Variants in C2orf76 observed in about 807,000 individuals in gnomAD.
The protein encoded by C2orf76 is UPF0538 protein C2orf76.
A neutral mutation model predicts 16.9 loss-of-function variants in C2orf76; 23 were observed. That is an observed-to-expected ratio of 1.36 (90% confidence interval 0.98 to 1.93). C2orf76 has a LOEUF of 1.93. C2orf76 is among the 30% of genes most tolerant of loss of function. The pLI is 0.00. For synonymous variants in C2orf76, 48 were observed against 52.3 expected, an observed-to-expected ratio of 0.92 and a Z score of 0.35; for missense variants, 152 against 152.6, an observed-to-expected ratio of 1.00 and a Z score of 0.02.
intron 5 of C2orf76, among the ~76,000 whole-genome samples, chr2:119,309,382 CT>C (rs1218051696): frequency 9.5e-6 from 1 of 104,944 alleles, no homozygotes; most frequent in Admixed American, 9.1e-5. Context: ...AGTAACTTTT[CT>C]TTTTTTCTCT....
At chr2:119,311,841 G>T in intron 4 of C2orf76, 138 bp from the exon 5 acceptor site, 1 of 784,060 alleles carries the variant, frequency 1.3e-6, no homozygotes, top group South Asian at 1.8e-5. Flanking sequence ...CGTAATGAGG[G>T]CAGTGAACAG....
chr2:119,355,115 A>G (rs1198288838), intron 1 of C2orf76, among the ~76,000 whole-genome samples: 1 of 152,236 alleles, frequency 6.6e-6, no homozygotes, highest in Non-Finnish European at 1.5e-5. Context: ...CATTCTGGAC[A>G]GTTGAGTTTT....
At chr2:119,335,708 A>T (rs770427121) in intron 2 of C2orf76, among the ~76,000 whole-genome samples, 1 of 152,246 alleles carries the variant, frequency 6.6e-6, no homozygotes, top group Non-Finnish European at 1.5e-5. Context: ...ACCTGACATG[A>T]CTTCAGCCAC....
the C2orf76 span, among the ~76,000 whole-genome samples, chr2:119,287,322 T>C: frequency 6.6e-6 from 1 of 152,116 alleles, no homozygotes; most frequent in Non-Finnish European, 1.5e-5. Context: ...ACATATGCAA[T>C]ATCCACATAA....
At chr2:119,309,231 C>G (rs1460249616) in intron 5 of C2orf76, among the ~76,000 whole-genome samples, 1 of 152,082 alleles carries the variant, frequency 6.6e-6, no homozygotes, top group South Asian at 2.1e-4. Flanking sequence ...CTACATAAAA[C>G]AGTATCTATG....
At chr2:119,289,252 G>C in the C2orf76 span, among the ~76,000 whole-genome samples, 1 of 152,054 alleles carries the variant, frequency 6.6e-6, no homozygotes, top group Admixed American at 6.6e-5. Flanking sequence ...CCAGAAGGTA[G>C]GGACATACTG....
chr2:119,349,182 ATTGT>A (rs1680302401), intron 1 of C2orf76, among the ~76,000 whole-genome samples: 1 of 152,184 alleles, frequency 6.6e-6, no homozygotes, highest in Non-Finnish European at 1.5e-5. Flanking sequence ...ACTTTTTAAT[ATTGT>A]TTGATGTTTT....
chr2:119,297,127 T>G, the C2orf76 span, among the ~76,000 whole-genome samples: 18,009 of 152,218 alleles, frequency 0.12, 2,460 homozygotes, highest in African/African-American at 0.34. Context: ...TGTCCGTAAG[T>G]GCCTTGTAGG....
At chr2:119,355,426 C>T (rs1255424507) in intron 1 of C2orf76, among the ~76,000 whole-genome samples, 1 of 152,192 alleles carries the variant, frequency 6.6e-6, no homozygotes, top group Non-Finnish European at 1.5e-5. Context: ...AGACATCTCA[C>T]TCCAGGGTAA....
intron 5 of C2orf76, among the ~76,000 whole-genome samples, chr2:119,308,029 C>G (rs1328657110): frequency 2.6e-5 from 4 of 151,988 alleles, no homozygotes; most frequent in Non-Finnish European, 5.9e-5. Flanking sequence ...TTACAGAAAA[C>G]AAAATAGAGT....
At position 119,302,565 on chromosome 2, in the gene C2orf76, A is replaced by G; in HGVS notation, c.305-17T>C. On this transcript the variant is annotated splice_polypyrimidine_tract_variant and intron_variant, in intron 5 of 5. Transcript: ENST00000334816. ...TTTCACTGGCTGAAAAAAAACAGAA[A>G]ATGGAAAAAAAGATTTTAATGTAAA... 6.8e-7 allele frequency: 1 copy of G among 1,466,348 alleles called. No homozygotes were observed. Among genetic ancestry groups the G allele is most frequent in the Non-Finnish European group, 9.3e-7 (1 of 1,079,898 alleles). The allele number at this position is 1,466,348 out of a possible 1,614,324, so 90.8% of individuals were successfully genotyped here.
intron 1 of C2orf76, among the ~76,000 whole-genome samples, chr2:119,353,095 G>T (rs1680456032): frequency 6.6e-6 from 1 of 152,040 alleles, no homozygotes; most frequent in Non-Finnish European, 1.5e-5. Context: ...TTCTGAAACT[G>T]CCCTTAATGA....
chr2:119,290,943 C>T, the C2orf76 span, among the ~76,000 whole-genome samples: 10 of 152,226 alleles, frequency 6.6e-5, no homozygotes, highest in African/African-American at 2.4e-4. Flanking sequence ...TGACTTTCAG[C>T]TATCAGACGC....
chr2:119,322,024 TA>T (rs35821227), intron 2 of C2orf76, among the ~76,000 whole-genome samples: 25,841 of 151,980 alleles, frequency 0.17, 2,643 homozygotes, highest in Middle Eastern at 0.29. Flanking sequence ...CAAAACACAG[TA>T]AATATTCTTT....
chr2:119,321,563 T>C (rs992949173), intron 2 of C2orf76, among the ~76,000 whole-genome samples: 3 of 152,098 alleles, frequency 2.0e-5, no homozygotes, highest in Admixed American at 6.6e-5. Context: ...ACGACACTTA[T>C]TCACTACCGT....
intron 1 of C2orf76, among the ~76,000 whole-genome samples, chr2:119,349,516 T>C (rs1680314081): frequency 6.6e-6 from 1 of 152,202 alleles, no homozygotes. Context: ...TTCAGTGGTA[T>C]ACGTCAACAT....
chr2:119,350,081 C>A (rs1244798469), intron 1 of C2orf76, among the ~76,000 whole-genome samples: 1 of 131,086 alleles, frequency 7.6e-6, no homozygotes, highest in African/African-American at 2.9e-5. Context: ...CCCCCGCCCC[C>A]CCACCGTCCC....
rs1679202967 is a variant in C2orf76, at chr2:119,317,380, A to G, written c.222+86T>C. On this transcript the variant is annotated intron_variant, in intron 4 of 5. Coordinates refer to ENST00000334816, the MANE Select transcript of C2orf76 (RefSeq NM_001322331.2). ...GCTATTATAATGGGAAATATTTTAG[A>G]TGTACATGTATTCATTCACTTATTC... 9 of 902,162 alleles carry G rather than the reference A, an allele frequency of 1.0e-5. No homozygotes were observed. In the South Asian group the frequency reaches 2.1e-4, roughly 21 times the overall value. 55.9% of individuals were successfully genotyped at this position (902,162 alleles called of 1,614,324 possible). A position where few individuals can be genotyped will look rare whatever the true frequency, so the allele number is the denominator to read the frequency against.
chr2:119,314,245 T>C (rs1025692540), intron 4 of C2orf76, among the ~76,000 whole-genome samples: 3 of 152,112 alleles, frequency 2.0e-5, no homozygotes, highest in South Asian at 4.2e-4. Flanking sequence ...AAATATACAA[T>C]AGATACAGAA....
Sources: gnomAD v4.1 joint callset for allele counts (sites outside exome capture counted in the v4.1 genomes callset) on GRCh38, gnomAD v4.1.1 for gene constraint, MANE v1.5 for transcripts, NCBI Gene and HGNC (gene_info 2026-07-23, HGNC 2026-07-21) for gene names.